Variants in RUNX1 observed in about 807,000 individuals in gnomAD.
RUNX1 encodes runt-related transcription factor 1.
In RUNX1, 19 loss-of-function variants were observed where a neutral mutation model predicts 42.8. That is an observed-to-expected ratio of 0.44 (90% confidence interval 0.31 to 0.65). RUNX1 has a LOEUF of 0.65. Ranked by LOEUF, RUNX1 falls within the 30% of genes least tolerant of loss-of-function variation. RUNX1 has a pLI of 0.07. For synonymous variants in RUNX1, 271 were observed against 289.4 expected (o/e 0.94, Z 0.64); for missense variants, 528 against 672.0 (o/e 0.79, Z 2.37).
chr21:35,012,351 A>G (rs1764574831), intron 2 of RUNX1, among the ~76,000 whole-genome samples: 1 of 152,214 alleles, frequency 6.6e-6, no homozygotes, highest in Admixed American at 6.5e-5. Flanking sequence ...ATATTAATAA[A>G]TTACAGTGGG....
At chr21:34,998,953 G>A (rs150484197) in intron 2 of RUNX1, among the ~76,000 whole-genome samples, 1 of 152,316 alleles carries the variant, frequency 6.6e-6, no homozygotes, top group Non-Finnish European at 1.5e-5. Flanking sequence ...CTCTTTGAAG[G>A]AGCCAGCCTA....
chr21:34,916,317 C>G (rs1263243580), intron 2 of RUNX1, among the ~76,000 whole-genome samples: 1 of 152,180 alleles, frequency 6.6e-6, no homozygotes, highest in Non-Finnish European at 1.5e-5. Context: ...AAGAAAGCAA[C>G]AAACATGAAC....
chr21:34,919,980 GCAGTGAATCAGA>G (rs1389033361), intron 2 of RUNX1, among the ~76,000 whole-genome samples: 1 of 152,164 alleles, frequency 6.6e-6, no homozygotes, highest in Non-Finnish European at 1.5e-5. Context: ...TTGGACTTGG[GCAGTGAATCAGA>G]CAGCAAAAGC....
Position 35,040,693 on chromosome 21 carries a change from C to T in RUNX1, c.58+8149G>A, listed in dbSNP as rs1008331049. ...AGGCTGAGGCAGGAGAATGGCTGAACGTGGGAGGCGGAGATTGCAGTGAGC... is the reference window on the plus strand; with the variant it reads ...AGGCTGAGGCAGGAGAATGGCTGAATGTGGGAGGCGGAGATTGCAGTGAGC... On this transcript the variant is annotated intron_variant, in intron 2 of 8. Coordinates refer to ENST00000675419, the MANE Select transcript of RUNX1 (RefSeq NM_001754.5). Among the ~76,000 whole-genome samples the T allele has an allele frequency of 3.5e-5, 5 of 144,290 alleles. No homozygotes were observed. The Admixed American group carries it at 3.6e-4, about 11-fold the overall frequency. 94.7% of individuals were successfully genotyped at this position (144,290 alleles called of 152,430 possible).
chr21:34,967,988 G>A (rs966420180), intron 2 of RUNX1, among the ~76,000 whole-genome samples: 2 of 152,218 alleles, frequency 1.3e-5, no homozygotes, highest in Non-Finnish European at 1.5e-5. Flanking sequence ...GTGCCTTAAA[G>A]TCTGAGAAAA....
chr21:34,908,008 G>A (rs188803373), intron 2 of RUNX1, among the ~76,000 whole-genome samples: 141 of 152,164 alleles, frequency 9.3e-4, no homozygotes, highest in African/African-American at 3.2e-3. Flanking sequence ...TGAATTTGTG[G>A]TCCACCCCCA....
At chr21:34,809,122 T>C (rs1458149520) in intron 7 of RUNX1, among the ~76,000 whole-genome samples, 1 of 152,182 alleles carries the variant, frequency 6.6e-6, no homozygotes, top group Non-Finnish European at 1.5e-5. Context: ...CGTATACAAC[T>C]TTCCAGGCCT....
intron 5 of RUNX1, among the ~76,000 whole-genome samples, chr21:34,865,323 TG>T (rs1387721943): frequency 7.2e-6 from 1 of 138,940 alleles, no homozygotes; most frequent in Non-Finnish European, 1.6e-5. Flanking sequence ...TGTGTGTGTG[TG>T]TTCAGCAGGT....
intron 3 of RUNX1, among the ~76,000 whole-genome samples, chr21:34,892,310 A>T (rs930240400): frequency 6.6e-6 from 1 of 152,048 alleles, no homozygotes; most frequent in Non-Finnish European, 1.5e-5. Context: ...TTAATTAAAC[A>T]TTTTTTTCTT....
At chr21:34,809,800 A>G (rs1055992572) in intron 7 of RUNX1, among the ~76,000 whole-genome samples, 2 of 152,198 alleles carry the variant, frequency 1.3e-5, no homozygotes, top group Non-Finnish European at 2.9e-5. Context: ...GCCAGGGTCC[A>G]TGTAATGCCT....
chr21:34,823,284 T>C (rs1448317586), intron 7 of RUNX1, among the ~76,000 whole-genome samples: 3 of 152,166 alleles, frequency 2.0e-5, no homozygotes, highest in Non-Finnish European at 2.9e-5. Context: ...TCCAGGAGGA[T>C]TGAGCTGGAC....
chr21:34,822,686 T>C (rs1383275153), intron 7 of RUNX1, among the ~76,000 whole-genome samples: 1 of 152,204 alleles, frequency 6.6e-6, no homozygotes, highest in Admixed American at 6.5e-5. Context: ...ATAAACCACT[T>C]AGTGGGCAGA....
At chr21:34,852,854 G>A (rs568767344) in intron 6 of RUNX1, among the ~76,000 whole-genome samples, 58 of 152,328 alleles carry the variant, frequency 3.8e-4, no homozygotes, top group Admixed American at 8.5e-4. Flanking sequence ...TGGAAAATAC[G>A]CTTGAAGCAA....
At chr21:34,946,797 T>C (rs959457614) in intron 2 of RUNX1, among the ~76,000 whole-genome samples, 34 of 152,188 alleles carry the variant, frequency 2.2e-4, no homozygotes, top group South Asian at 4.1e-4. Flanking sequence ...TGGCTTTCTC[T>C]AGGTTTTCTC....
intron 2 of RUNX1, among the ~76,000 whole-genome samples, chr21:35,014,468 A>C (rs1238159056): frequency 1.3e-5 from 2 of 152,178 alleles, no homozygotes; most frequent in African/African-American, 4.8e-5. Context: ...ACATTTCATA[A>C]CGCATGAGTC....
chr21:34,824,360 G>A (rs2056957478), intron 7 of RUNX1, among the ~76,000 whole-genome samples: 1 of 152,122 alleles, frequency 6.6e-6, no homozygotes, highest in South Asian at 2.1e-4. Context: ...TTTAGGGTGA[G>A]TTCTATACTA....
intron 2 of RUNX1, among the ~76,000 whole-genome samples, chr21:35,034,992 G>A (rs1475260514): frequency 6.6e-6 from 1 of 152,218 alleles, no homozygotes; most frequent in Non-Finnish European, 1.5e-5. Flanking sequence ...AACAGATCCA[G>A]TGTACAAGGA....
At chr21:35,012,208 T>C (rs2059131056) in intron 2 of RUNX1, among the ~76,000 whole-genome samples, 1 of 152,344 alleles carries the variant, frequency 6.6e-6, no homozygotes, top group Non-Finnish European at 1.5e-5. Flanking sequence ...TCTGGATGCC[T>C]TGCTCCAAGA....
intron 3 of RUNX1, chr21:34,888,561 G>A: frequency 1.9e-6 from 2 of 1,063,436 alleles, no homozygotes; most frequent in African/African-American, 1.6e-5. Flanking sequence ...AAGCAGCAGA[G>A]GTTGACTTCC....
Sources: gnomAD v4.1 joint callset for allele counts (sites outside exome capture counted in the v4.1 genomes callset) on GRCh38, gnomAD v4.1.1 for gene constraint, MANE v1.5 for transcripts, NCBI Gene and HGNC (gene_info 2026-07-23, HGNC 2026-07-21) for gene names.